The following ERAP1 variants were observed in gnomAD, a reference collection of about 807,000 sequenced individuals.
ERAP1 encodes adipocyte-derived leucine aminopeptidase.
In ERAP1, 86 loss-of-function variants were observed where a neutral mutation model predicts 103.7. The observed-to-expected ratio is 0.83, with a 90% CI of 0.70 to 0.99. The LOEUF is 0.99. ERAP1 is among the 50% of genes least tolerant of loss of function. ERAP1 has a pLI of 0.00. For synonymous variants in ERAP1, 398 were observed against 402.4 expected, an observed-to-expected ratio of 0.99 and a Z score of 0.13; for missense variants, 1,009 against 1,128.4, an observed-to-expected ratio of 0.89 and a Z score of 1.52.
At chr5:96,768,061 T>C (rs1770663050) in intron 19 of ERAP1, 5 of 1,037,962 alleles carry the variant, frequency 4.8e-6, no homozygotes, top group South Asian at 3.8e-5. Flanking sequence ...TACATACATA[T>C]AAGTTTTATT....
chr5:96,811,645 G>C (rs539008815), upstream of ERAP1, among the ~76,000 whole-genome samples: 1 of 152,222 alleles, frequency 6.6e-6, no homozygotes, highest in Non-Finnish European at 1.5e-5. Flanking sequence ...TCTTCAGAGA[G>C]AGTCCTGTAT....
the ERAP1 span, among the ~76,000 whole-genome samples, chr5:96,907,307 C>T: frequency 2.9e-3 from 442 of 151,734 alleles, 2 homozygotes; most frequent in African/African-American, 0.01. Flanking sequence ...AAAAGGAGTC[C>T]CTTATGAATA....
At chr5:96,814,157 A>C in the ERAP1 span, 1 of 445,240 alleles carries the variant, frequency 2.2e-6, no homozygotes. Flanking sequence ...TCTGCTTCCA[A>C]GCTCACATCA....
At chr5:96,920,308 A>AG in the ERAP1 span, among the ~76,000 whole-genome samples, 5 of 142,080 alleles carry the variant, frequency 3.5e-5, no homozygotes, top group African/African-American at 1.0e-4. Flanking sequence ...CTGTCATTTA[A>AG]AAAAAAAAAA....
intron 13 of ERAP1, 25 bp downstream of exon 13, chr5:96,785,763 C>A: frequency 6.2e-7 from 1 of 1,612,610 alleles, no homozygotes; most frequent in Non-Finnish European, 8.5e-7. Context: ...AGAAATAAAC[C>A]GCGACTTTGT....
chr5:96,917,477 G>C, the ERAP1 span: 1 of 1,577,376 alleles, frequency 6.3e-7, no homozygotes, highest in Non-Finnish European at 8.6e-7. Flanking sequence ...ACTATTTTTT[G>C]AATCTCTTGA....
the ERAP1 span, among the ~76,000 whole-genome samples, chr5:96,923,693 CAAAAAAAAA>C: frequency 5.3e-4 from 39 of 73,738 alleles, no homozygotes; most frequent in Admixed American, 1.1e-3. Flanking sequence ...GACTCTGTCT[CAAAAAAAAA>C]AAAAAAAGAA....
the ERAP1 span, chr5:96,823,196 T>A: frequency 6.6e-6 from 3 of 451,766 alleles, no homozygotes; most frequent in Non-Finnish European, 1.3e-5. Flanking sequence ...AGTCATATAA[T>A]CATACACATC....
chr5:96,877,454 C>T, the ERAP1 span, among the ~76,000 whole-genome samples: 1 of 152,168 alleles, frequency 6.6e-6, no homozygotes, highest in Non-Finnish European at 1.5e-5. Flanking sequence ...CCATTGAATG[C>T]AAGTTATAAC....
At chr5:96,823,341 G>A in the ERAP1 span, among the ~76,000 whole-genome samples, 2 of 152,228 alleles carry the variant, frequency 1.3e-5, no homozygotes, top group East Asian at 3.9e-4. Context: ...TCTATCACAG[G>A]TACCAAAAAT....
chr5:96,918,931 G>C, the ERAP1 span: 8 of 152,254 alleles, frequency 5.3e-5, no homozygotes, highest in Non-Finnish European at 7.4e-5. Flanking sequence ...GAAATGCCCT[G>C]CTAAATGCTT....
chr5:96,819,862 G>T, the ERAP1 span, among the ~76,000 whole-genome samples: 2 of 152,210 alleles, frequency 1.3e-5, no homozygotes, highest in African/African-American at 4.8e-5. Context: ...GCGTGTAATA[G>T]ACTTCAAGCA....
At chr5:96,884,466 A>G in the ERAP1 span, among the ~76,000 whole-genome samples, 1 of 151,770 alleles carries the variant, frequency 6.6e-6, no homozygotes, top group East Asian at 2.0e-4. Context: ...CTAGAAGTCT[A>G]TGATGGAACT....
chr5:96,853,594 C>T, the ERAP1 span, among the ~76,000 whole-genome samples: 4 of 152,016 alleles, frequency 2.6e-5, no homozygotes, highest in African/African-American at 7.2e-5. Flanking sequence ...GCTCAATGAA[C>T]TCATCTTCTC....
the ERAP1 span, among the ~76,000 whole-genome samples, chr5:96,899,401 G>A: frequency 1.3e-5 from 2 of 152,144 alleles, no homozygotes; most frequent in African/African-American, 4.8e-5. Context: ...GCCCACCATT[G>A]TGTCACATAA....
At chr5:96,781,928 A>G (rs1561668938) in intron 15 of ERAP1, 74 bp from the exon 16 acceptor site, 3 of 1,443,398 alleles carry the variant, frequency 2.1e-6, no homozygotes, top group East Asian at 4.6e-5. Flanking sequence ...GTGACTAACT[A>G]TGAACTGCTG....
chr5:96,929,127 A>AC, the ERAP1 span, among the ~76,000 whole-genome samples: 8 of 152,058 alleles, frequency 5.3e-5, no homozygotes, highest in South Asian at 2.1e-4. Flanking sequence ...AATGTGTAAA[A>AC]CCCCCAAGTC....
the ERAP1 span, among the ~76,000 whole-genome samples, chr5:96,875,463 G>C: frequency 5.7e-3 from 861 of 151,734 alleles, 9 homozygotes; most frequent in African/African-American, 0.02. Context: ...TTGAGCTCAG[G>C]AAGTCAAGGC....
the ERAP1 span, among the ~76,000 whole-genome samples, chr5:96,925,840 A>T: frequency 1.3e-5 from 2 of 151,772 alleles, no homozygotes; most frequent in Non-Finnish European, 2.9e-5. Context: ...CTTTTTAAAT[A>T]GTAGCAACCA....
Sources: allele counts gnomAD v4.1 joint callset (sites outside exome capture counted in the v4.1 genomes callset), GRCh38; gene constraint gnomAD v4.1.1; transcripts MANE v1.5; gene names NCBI Gene and HGNC (gene_info 2026-07-23, HGNC 2026-07-21).